KDM4B: variants seen among roughly 807,000 people sequenced by gnomAD.
KDM4B encodes lysine demethylase 4B, also known as lysine-specific demethylase 4B.
Under a neutral mutation model 125.2 loss-of-function variants are expected in KDM4B, and 32 were observed. The observed-to-expected ratio is 0.26, with a 90% CI of 0.19 to 0.34. The LOEUF (loss-of-function observed/expected upper bound fraction) is 0.34, where lower values mean the gene tolerates loss of function less well. Among genes scored for constraint, KDM4B ranks in the 10% least tolerant of loss-of-function variants. The pLI is 1.00. For missense variants in KDM4B, 1,190 were observed against 1,577.7 expected, an observed-to-expected ratio of 0.75 and a Z score of 4.16; for synonymous variants, 721 against 677.9, an observed-to-expected ratio of 1.06 and a Z score of -0.99.
chr19:5,123,292 C>T (rs991076665), intron 11 of KDM4B, among the ~76,000 whole-genome samples: 7 of 152,320 alleles, frequency 4.6e-5, no homozygotes, highest in East Asian at 1.9e-4. Flanking sequence ...CCTGTGGAAG[C>T]GGGAAGGTCA....
At chr19:5,151,285 G>T in intron 22 of KDM4B, 50 bp from the exon 23 acceptor site, 1 of 1,392,498 alleles carries the variant, frequency 7.2e-7, no homozygotes, top group African/African-American at 1.5e-5. Flanking sequence ...GGCTGGGGCC[G>T]CACAGAGTGT....
At chr19:5,129,176 G>A (rs1230800877) in intron 11 of KDM4B, among the ~76,000 whole-genome samples, 1 of 152,230 alleles carries the variant, frequency 6.6e-6, no homozygotes, top group Non-Finnish European at 1.5e-5. Context: ...TAGGGTGTGG[G>A]GAGGAGAGCT....
intron 1 of KDM4B, among the ~76,000 whole-genome samples, chr19:5,005,904 G>A (rs1000005316): frequency 2.0e-5 from 3 of 152,144 alleles, no homozygotes; most frequent in African/African-American, 7.2e-5. Context: ...CAGTCACCGC[G>A]TCCTCCTCTG....
intron 2 of KDM4B, among the ~76,000 whole-genome samples, chr19:5,016,855 G>A (rs549896278): frequency 2.0e-5 from 3 of 152,316 alleles, no homozygotes; most frequent in South Asian, 4.1e-4. Flanking sequence ...CTTATAAGCC[G>A]GTGGCACAAA....
intron 1 of KDM4B, among the ~76,000 whole-genome samples, chr19:5,011,478 G>A (rs748715212): frequency 2.6e-5 from 4 of 152,276 alleles, no homozygotes; most frequent in East Asian, 1.9e-4. Flanking sequence ...TAAGGGGTAC[G>A]CAGAGCCCCT....
chr19:5,131,471 A>G lies in KDM4B; in HGVS notation c.1711A>G (p.Thr571Ala). Residue 571 changes from threonine to alanine, a missense_variant, in exon 12 of 23, where the codon ACG (threonine) becomes GCG (alanine). By Grantham distance (58) the Thr-to-Ala change is moderately conservative. Around this residue, in one of 7 missense-constraint regions of KDM4B, gnomAD observed 428 missense variants for 405.1 expected, o/e 1.06. Transcript: ENST00000159111. ...WKEPVSPMEL[T>A]GPEDGAASSG... is the part of the protein sequence containing the mutation. ...GGAACCAGTTTCCCCCATGGAGCTG[A>G]CGGGGCCAGAGGACGGTGCAGCCAG... 6.3e-7 allele frequency: 1 copy of G among 1,576,458 alleles called. No homozygotes were observed. Among genetic ancestry groups the G allele is most frequent in the Non-Finnish European group, 8.6e-7 (1 of 1,168,380 alleles).
chr19:5,089,475 G>A (rs910176233), intron 9 of KDM4B, among the ~76,000 whole-genome samples: 2 of 152,130 alleles, frequency 1.3e-5, no homozygotes, highest in African/African-American at 4.8e-5. Context: ...CATGAGGTTT[G>A]CTCTGTATCT....
chr19:5,031,917 C>T (rs1010604942), intron 2 of KDM4B, among the ~76,000 whole-genome samples: 1 of 152,164 alleles, frequency 6.6e-6, no homozygotes, highest in African/African-American at 2.4e-5. Context: ...GGGGTCACAG[C>T]GTGGGGAGGT....
intron 6 of KDM4B, among the ~76,000 whole-genome samples, chr19:5,067,094 T>C (rs1034527788): frequency 1.3e-5 from 2 of 152,016 alleles, no homozygotes; most frequent in Non-Finnish European, 2.9e-5. Context: ...AGGCCACCCC[T>C]CCCTCCCGAA....
chr19:4,980,012 T>G (rs1393539383), intron 1 of KDM4B, among the ~76,000 whole-genome samples: 1 of 151,830 alleles, frequency 6.6e-6, no homozygotes, highest in Non-Finnish European at 1.5e-5. Context: ...GGCTGGGGCA[T>G]GAGAATCGCT....
chr19:5,148,683 C>T (rs1301477759), intron 21 of KDM4B, among the ~76,000 whole-genome samples: 3 of 151,498 alleles, frequency 2.0e-5, no homozygotes, highest in African/African-American at 7.3e-5. Flanking sequence ...CGCTGCTGCC[C>T]TTGGCAAAGC....
chr19:5,082,566 T>C lies in KDM4B; in HGVS notation c.918+62T>C, dbSNP rs1457517833. On this transcript the variant is annotated intron_variant, in intron 9 of 22. Transcript: ENST00000159111. This position sits in a 1 kb window ranked among gnomAD's most constrained non-coding sequence, Gnocchi z 5.4. ...GCGGGAGGAGGCTCTTTTTTGCCTCTGCAGCCACACGCCCATAGCTGGTCC... is the reference window on the plus strand; with the variant it reads ...GCGGGAGGAGGCTCTTTTTTGCCTCCGCAGCCACACGCCCATAGCTGGTCC... 4 of 1,510,526 alleles carry C rather than the reference T, an allele frequency of 2.6e-6. No individual in the cohort carries two copies. In the African/African-American group the frequency reaches 4.2e-5, roughly 16 times the overall value. The allele number at this position is 1,510,526 out of a possible 1,614,324, so 93.6% of individuals were successfully genotyped here.
intron 9 of KDM4B, among the ~76,000 whole-genome samples, chr19:5,089,719 A>G (rs561593687): frequency 7.0e-4 from 106 of 151,612 alleles, no homozygotes; most frequent in Non-Finnish European, 1.2e-3. Context: ...AAAAACCCAC[A>G]TACTCCTCTT....
At chr19:5,108,312 C>T (rs1027030379) in intron 9 of KDM4B, among the ~76,000 whole-genome samples, 2 of 152,246 alleles carry the variant, frequency 1.3e-5, no homozygotes, top group African/African-American at 4.8e-5. Flanking sequence ...GGCCAAATGA[C>T]ACCACCAGCC....
At chr19:5,126,337 C>T (rs2039449303) in intron 11 of KDM4B, among the ~76,000 whole-genome samples, 1 of 152,070 alleles carries the variant, frequency 6.6e-6, no homozygotes, top group African/African-American at 2.4e-5. Flanking sequence ...AGCAGCCCCA[C>T]CAGCCAGCCC....
At chr19:5,100,810 C>T (rs917592840) in intron 9 of KDM4B, among the ~76,000 whole-genome samples, 3 of 152,184 alleles carry the variant, frequency 2.0e-5, no homozygotes, top group Non-Finnish European at 4.4e-5. Context: ...TTTTTCATTT[C>T]TGCCCTTTTT....
chr19:5,146,242 C>T lies in KDM4B; in HGVS notation c.3021+1340C>T, dbSNP rs1189644172. 3.4e-5 allele frequency among the ~76,000 whole-genome samples: 5 copies of T among 148,590 alleles called. No homozygotes were observed. In the South Asian group the frequency reaches 1.1e-3, roughly 32 times the overall value. ...CTGTCACTGAGCATCCAGGACCCCC[C>T]CCGCTCCGCCGTGCAGGCCGGCCCC... On this transcript the variant is annotated intron_variant, in intron 21 of 22. Transcript: ENST00000159111.
At chr19:5,087,762 C>T (rs1179506966) in intron 9 of KDM4B, among the ~76,000 whole-genome samples, 4 of 152,194 alleles carry the variant, frequency 2.6e-5, no homozygotes, top group African/African-American at 7.2e-5. Context: ...CCTCGGTGTG[C>T]GACGTTTCTT....
At chr19:5,042,613 T>G (rs1408339948) in intron 5 of KDM4B, among the ~76,000 whole-genome samples, 1 of 151,546 alleles carries the variant, frequency 6.6e-6, no homozygotes, top group African/African-American at 2.4e-5. Context: ...TTGGGAGGCC[T>G]CAGGAAACTT....
Sources: allele counts gnomAD v4.1 joint callset (sites outside exome capture counted in the v4.1 genomes callset), GRCh38; gene constraint gnomAD v4.1.1; regional missense constraint gnomAD v4.1.1; non-coding constraint Gnocchi (gnomAD v3.1); transcripts MANE v1.5; gene names NCBI Gene and HGNC (gene_info 2026-07-23, HGNC 2026-07-21).